NCAM1: variants seen among roughly 807,000 people sequenced by gnomAD.
The protein encoded by NCAM1 is neural cell adhesion molecule 1, also known as antigen recognized by monoclonal antibody 5.1H11.
In NCAM1, 14 loss-of-function variants were observed where a neutral mutation model predicts 109.8. The ratio of observed to expected loss-of-function variants is 0.13; its 90% CI spans 0.08 to 0.20. The LOEUF is 0.20. Ranked by LOEUF, NCAM1 falls within the 10% of genes least tolerant of loss-of-function variation. The pLI is 1.00. For synonymous variants in NCAM1, 418 were observed against 442.9 expected, an observed-to-expected ratio of 0.94 and a Z score of 0.70; for missense variants, 774 against 1,109.9, an observed-to-expected ratio of 0.70 and a Z score of 4.30.
intron 9 of NCAM1, among the ~76,000 whole-genome samples, chr11:113,225,961 C>G (rs1434732591): frequency 6.6e-6 from 1 of 152,174 alleles, no homozygotes; most frequent in African/African-American, 2.4e-5. Context: ...ACAACTGGTA[C>G]CAGCCACTGC....
chr11:113,246,215 C>T (rs992148104), intron 14 of NCAM1, 153 bp from the exon 15 acceptor site: 6 of 537,774 alleles, frequency 1.1e-5, no homozygotes, highest in South Asian at 5.8e-5. Flanking sequence ...GATTTTTCTC[C>T]CTGCCCATTG....
intron 1 of NCAM1, among the ~76,000 whole-genome samples, chr11:113,070,485 G>A (rs73006841): frequency 0.014 from 2,073 of 152,266 alleles, 27 homozygotes; most frequent in Non-Finnish European, 0.024. Context: ...GGATTCTACA[G>A]AATGTTTTAG....
chr11:113,155,520 CA>C (rs1303846959), intron 1 of NCAM1, among the ~76,000 whole-genome samples: 1 of 149,772 alleles, frequency 6.7e-6, no homozygotes, highest in Non-Finnish European at 1.5e-5. Flanking sequence ...AAAAAAAAAA[CA>C]AAAAACAAAA....
chr11:113,064,805 A>G (rs968538112), intron 1 of NCAM1, among the ~76,000 whole-genome samples: 50 of 152,242 alleles, frequency 3.3e-4, no homozygotes, highest in Admixed American at 2.1e-3. Flanking sequence ...TTAAAAACTT[A>G]AAGGTGTTAA....
chr11:112,995,599 A>G (rs1290407450), intron 1 of NCAM1, among the ~76,000 whole-genome samples: 1 of 152,218 alleles, frequency 6.6e-6, no homozygotes, highest in African/African-American at 2.4e-5. Flanking sequence ...TTAAGGCACT[A>G]ATTAGCATGC....
At chr11:113,224,643 G>A (rs1045076570) in intron 9 of NCAM1, among the ~76,000 whole-genome samples, 2 of 152,188 alleles carry the variant, frequency 1.3e-5, no homozygotes, top group Non-Finnish European at 2.9e-5. Flanking sequence ...TCCTCAAGTG[G>A]GTCCCTGACC....
intron 1 of NCAM1, among the ~76,000 whole-genome samples, chr11:113,107,546 C>T (rs888747812): frequency 1.3e-5 from 2 of 152,024 alleles, no homozygotes; most frequent in African/African-American, 4.8e-5. Flanking sequence ...CTGGGGAGAC[C>T]TCACAATCAT....
chr11:113,272,498 G>A (rs1433867843), intron 19 of NCAM1, among the ~76,000 whole-genome samples: 3 of 152,104 alleles, frequency 2.0e-5, no homozygotes, highest in African/African-American at 4.8e-5. Flanking sequence ...TCGGTGCCCT[G>A]GGGAGCCCTG....
intron 17 of NCAM1, among the ~76,000 whole-genome samples, chr11:113,268,763 T>A (rs561732591): frequency 6.6e-6 from 1 of 152,298 alleles, no homozygotes; most frequent in African/African-American, 2.4e-5. Context: ...ACATGTTCCC[T>A]CCACTATCTA....
chr11:113,182,385 T>G (rs1328022428), intron 1 of NCAM1, among the ~76,000 whole-genome samples: 1 of 152,218 alleles, frequency 6.6e-6, no homozygotes, highest in East Asian at 1.9e-4. Flanking sequence ...CACTGTCCTC[T>G]GTCATCCTGG....
intron 1 of NCAM1, among the ~76,000 whole-genome samples, chr11:113,141,456 C>A (rs1257971288): frequency 1.3e-5 from 2 of 152,238 alleles, no homozygotes; most frequent in South Asian, 2.1e-4. Flanking sequence ...ACGGTGAAAC[C>A]CTGTCTCTAG....
intron 7 of NCAM1, among the ~76,000 whole-genome samples, chr11:113,209,033 C>T (rs1244886686): frequency 1.3e-5 from 2 of 152,218 alleles, no homozygotes; most frequent in Non-Finnish European, 2.9e-5. Flanking sequence ...TTGACCTGAT[C>T]TTGAAAAAAG....
chr11:113,014,489 G>A (rs900679952), intron 1 of NCAM1, among the ~76,000 whole-genome samples: 7 of 152,082 alleles, frequency 4.6e-5, no homozygotes, highest in Non-Finnish European at 8.8e-5. Flanking sequence ...AAACAGCCAC[G>A]GGCCTCCTTC....
chr11:113,159,710 GT>G (rs1206342780), intron 1 of NCAM1, among the ~76,000 whole-genome samples: 3 of 150,494 alleles, frequency 2.0e-5, no homozygotes, highest in Non-Finnish European at 4.4e-5. Context: ...TTCTTTTTTT[GT>G]TTTTTTTATT....
At chr11:113,178,546 CG>C in intron 1 of NCAM1, among the ~76,000 whole-genome samples, 1 of 152,322 alleles carries the variant, frequency 6.6e-6, no homozygotes, top group South Asian at 2.1e-4. Context: ...CTCCTTCATC[CG>C]GGAGGCCAAT....
chr11:113,089,205 C>T (rs1435069509), intron 1 of NCAM1, among the ~76,000 whole-genome samples: 1 of 151,984 alleles, frequency 6.6e-6, no homozygotes, highest in African/African-American at 2.4e-5. Context: ...CCCAGCTACT[C>T]GGGAGGCTGA....
chr11:113,258,979 A>T (rs1427282042), intron 16 of NCAM1, among the ~76,000 whole-genome samples: 1 of 152,240 alleles, frequency 6.6e-6, no homozygotes, highest in Non-Finnish European at 1.5e-5. Context: ...TTGTAGGAAT[A>T]CAACAAGAAA....
intron 1 of NCAM1, among the ~76,000 whole-genome samples, chr11:113,095,399 T>C (rs1207235230): frequency 2.0e-5 from 3 of 152,122 alleles, no homozygotes; most frequent in South Asian, 2.1e-4. Flanking sequence ...TTCAGCACAG[T>C]GGTCGATAAT....
intron 1 of NCAM1, among the ~76,000 whole-genome samples, chr11:113,045,114 T>G (rs2135350164): frequency 6.6e-6 from 1 of 152,318 alleles, no homozygotes; most frequent in South Asian, 2.1e-4. Context: ...ACATCCCCAG[T>G]TTTAGTGTAT....
Sources: allele counts gnomAD v4.1 joint callset (sites outside exome capture counted in the v4.1 genomes callset), GRCh38; gene constraint gnomAD v4.1.1; transcripts MANE v1.5; gene names NCBI Gene and HGNC (gene_info 2026-07-23, HGNC 2026-07-21).